The following FRAS1 variants were observed in gnomAD, a reference collection of about 807,000 sequenced individuals.
FRAS1 encodes extracellular matrix organizing protein FRAS1.
A neutral mutation model predicts 435.2 loss-of-function variants in FRAS1; 290 were observed. That is an observed-to-expected ratio of 0.67 (90% CI 0.61 to 0.73). The LOEUF is 0.73. Ranked by LOEUF, FRAS1 falls within the 30% of genes least tolerant of loss-of-function variation. The pLI, the probability that FRAS1 is intolerant of heterozygous loss-of-function variation, is 0.00. For missense variants in FRAS1, 4,860 were observed against 5,001.5 expected, an observed-to-expected ratio of 0.97 and a Z score of 0.85; for synonymous variants, 1,800 against 1,851.0, an observed-to-expected ratio of 0.97 and a Z score of 0.71.
At chr4:78,181,859 G>C in intron 2 of FRAS1, 1 of 1,612,034 alleles carries the variant, frequency 6.2e-7, no homozygotes, top group Non-Finnish European at 8.5e-7. Context: ...TGCCGCGTTG[G>C]AGTTGGTCTG....
At chr4:78,414,958 G>T (rs751352994) in intron 32 of FRAS1, among the ~76,000 whole-genome samples, 3 of 152,136 alleles carry the variant, frequency 2.0e-5, no homozygotes, top group African/African-American at 4.8e-5. Context: ...CATGAGAGAG[G>T]GTCACAGAAG....
chr4:78,282,070 TTAA>T (rs1472504542), intron 11 of FRAS1, among the ~76,000 whole-genome samples: 1 of 152,224 alleles, frequency 6.6e-6, no homozygotes, highest in Non-Finnish European at 1.5e-5. Flanking sequence ...GTCTGTTGGC[TTAA>T]TAAGCGTTTT....
intron 2 of FRAS1, among the ~76,000 whole-genome samples, chr4:78,073,442 C>G (rs547460438): frequency 7.2e-5 from 11 of 152,134 alleles, no homozygotes; most frequent in Non-Finnish European, 1.5e-4. Flanking sequence ...TCATATATCT[C>G]AATTTTCTGG....
intron 45 of FRAS1, among the ~76,000 whole-genome samples, chr4:78,450,633 A>G (rs1448936373): frequency 1.3e-5 from 2 of 152,118 alleles, no homozygotes; most frequent in Non-Finnish European, 2.9e-5. Flanking sequence ...TATATATGAG[A>G]GAGAGAGAAG....
intron 51 of FRAS1, among the ~76,000 whole-genome samples, chr4:78,470,900 C>T (rs1719684262): frequency 6.6e-6 from 1 of 152,018 alleles, no homozygotes; most frequent in Non-Finnish European, 1.5e-5. Flanking sequence ...CCCTTGCACT[C>T]ATATTTATTG....
rs752574277 is a variant in FRAS1, at chr4:78,407,799, G to A, written c.4266G>A (p.Arg1422=). The A allele has an allele frequency of 2.9e-5, 47 of 1,612,566 alleles. No individual in the cohort carries two copies. Among genetic ancestry groups the A allele is most frequent in the Non-Finnish European group, 3.3e-5 (39 of 1,179,220 alleles). ...TCAATGAAGGCATCGTATGGTACAG[G>A]CACTCAGGAGCCCCAGCCCAGAGCG... ...QDINEGIVWY[R]HSGAPAQSDS... Residue 1422 remains arginine, a synonymous_variant, in exon 31 of 74, where the codon AGG becomes AGA. Coordinates refer to ENST00000512123, the MANE Select transcript of FRAS1 (RefSeq NM_025074.7).
chr4:78,303,779 T>C (rs1728551068), intron 14 of FRAS1, among the ~76,000 whole-genome samples: 1 of 151,850 alleles, frequency 6.6e-6, no homozygotes. Flanking sequence ...GTTTTCTAGA[T>C]ATACAATCAT....
At chr4:78,127,166 G>A (rs190792217) in intron 2 of FRAS1, among the ~76,000 whole-genome samples, 5 of 151,552 alleles carry the variant, frequency 3.3e-5, no homozygotes, top group Admixed American at 3.3e-4. Flanking sequence ...ATGGGTGGGG[G>A]TGGGGTGAGC....
chr4:78,525,247 A>G (rs1463910317), intron 69 of FRAS1, among the ~76,000 whole-genome samples: 2 of 152,198 alleles, frequency 1.3e-5, no homozygotes, highest in Non-Finnish European at 2.9e-5. Flanking sequence ...GCCTATTTGA[A>G]TATTTCTATT....
At chr4:78,495,641 C>A (rs1012637157) in intron 59 of FRAS1, among the ~76,000 whole-genome samples, 4 of 152,096 alleles carry the variant, frequency 2.6e-5, no homozygotes, top group Non-Finnish European at 5.9e-5. Flanking sequence ...AAAGAGAATT[C>A]TCTGCTTATC....
Position 78,354,006 on chromosome 4 carries a change from T to A in FRAS1, c.2423-9507T>A, listed in dbSNP as rs1434811909. 3.2e-5 allele frequency among the ~76,000 whole-genome samples: 4 copies of A among 123,942 alleles called. 1 individual carries two copies. The highest frequency in any genetic ancestry group is 3.2e-4 in the South Asian group (1 of 3,162). 81.3% of individuals were successfully genotyped at this position (123,942 alleles called of 152,430 possible). A position where few individuals can be genotyped will look rare whatever the true frequency, so the allele number is the denominator to read the frequency against. On this transcript the variant is annotated intron_variant, in intron 20 of 73. Transcript: ENST00000512123. ...TAAAACTTAGAGTATAACAAAAAAA[T>A]TAAAAAAAAAATAAAATAAAAAAAA...
intron 3 of FRAS1, among the ~76,000 whole-genome samples, chr4:78,237,973 TG>T (rs560374672): frequency 1.6e-3 from 237 of 152,318 alleles, no homozygotes; most frequent in African/African-American, 4.7e-3. Context: ...AACTTAACCA[TG>T]ATCATGCAAT....
intron 2 of FRAS1, among the ~76,000 whole-genome samples, chr4:78,117,564 G>A (rs940120537): frequency 2.0e-4 from 30 of 151,754 alleles, no homozygotes; most frequent in Admixed American, 1.4e-3. Context: ...TTCTCTTCTC[G>A]CTTCATTTCA....
chr4:78,429,511 G>A (rs552023607), intron 36 of FRAS1, among the ~76,000 whole-genome samples: 1 of 152,176 alleles, frequency 6.6e-6, no homozygotes, highest in African/African-American at 2.4e-5. Flanking sequence ...GTAATAGAGC[G>A]GCGAGAAGAA....
chr4:78,073,389 G>T (rs1424821534), intron 2 of FRAS1, among the ~76,000 whole-genome samples: 1 of 152,078 alleles, frequency 6.6e-6, no homozygotes. Flanking sequence ...ATGCAGTTGA[G>T]CTTGGAAGCC....
chr4:78,456,252 T>G (rs1383188592), intron 47 of FRAS1, among the ~76,000 whole-genome samples: 1 of 149,824 alleles, frequency 6.7e-6, no homozygotes, highest in African/African-American at 2.5e-5. Flanking sequence ...AAGTGATTCT[T>G]GTGCCTCAGC....
chr4:78,249,066 T>TATATATATATATGC (rs1553934038), intron 4 of FRAS1, among the ~76,000 whole-genome samples: 3 of 97,328 alleles, frequency 3.1e-5, no homozygotes, highest in South Asian at 3.7e-4. Context: ...TATATATGCA[T>TATATATATATATGC]ATATATATAT....
At position 78,066,449 on chromosome 4, in the gene FRAS1, T is replaced by G. The variant is rs1740044169; in HGVS notation, c.108+433T>G. On this transcript the variant is annotated intron_variant, in intron 2 of 73. Transcript: ENST00000512123. ...AAGGATTTCTGTTGTTACTTTGAAT[T>G]ATAAACTTAAGTTTTGGTGAACAGC... 1.3e-5 allele frequency among the ~76,000 whole-genome samples: 2 copies of G among 152,248 alleles called. 1 individual carries two copies. Among genetic ancestry groups the G allele is most frequent in the South Asian group, 4.1e-4 (2 of 4,836 alleles).
At chr4:78,429,545 T>C (rs1578319235) in intron 36 of FRAS1, among the ~76,000 whole-genome samples, 1 of 152,308 alleles carries the variant, frequency 6.6e-6, no homozygotes, top group Non-Finnish European at 1.5e-5. Context: ...AGGATTTCAA[T>C]GGCGGCTCTT....
Sources: allele counts gnomAD v4.1 joint callset (sites outside exome capture counted in the v4.1 genomes callset), GRCh38; gene constraint gnomAD v4.1.1; transcripts MANE v1.5; gene names NCBI Gene and HGNC (gene_info 2026-07-23, HGNC 2026-07-21).